The following RUBCN variants were observed in gnomAD, a reference collection of about 807,000 sequenced individuals.
RUBCN encodes the protein rubicon autophagy regulator, also known as run domain Beclin-1-interacting and cysteine-rich domain-containing protein.
A neutral mutation model predicts 113.2 loss-of-function variants in RUBCN; 74 were observed. The observed-to-expected ratio is 0.65, with a 90% CI of 0.54 to 0.79. The LOEUF is 0.79. Among genes scored for constraint, RUBCN ranks in the 30% least tolerant of loss-of-function variants. RUBCN has a pLI of 0.00. For missense variants in RUBCN, 1,109 were observed against 1,251.7 expected (o/e 0.89, Z 1.72); for synonymous variants, 480 against 490.0 (o/e 0.98, Z 0.27).
intron 1 of RUBCN, among the ~76,000 whole-genome samples, chr3:197,733,072 C>T (rs1319867582): frequency 6.6e-6 from 1 of 152,218 alleles, no homozygotes; most frequent in Non-Finnish European, 1.5e-5. Context: ...CCAAATTAAT[C>T]CGTGAACTAG....
chr3:197,730,481 C>T (rs1727289293), intron 1 of RUBCN, among the ~76,000 whole-genome samples: 1 of 152,062 alleles, frequency 6.6e-6, no homozygotes, highest in African/African-American at 2.4e-5. Flanking sequence ...GAAAACAACA[C>T]ATCTGGAAGC....
intron 11 of RUBCN, among the ~76,000 whole-genome samples, chr3:197,690,221 C>T (rs1255420122): frequency 6.6e-6 from 1 of 152,168 alleles, no homozygotes; most frequent in Non-Finnish European, 1.5e-5. Context: ...AGGCAGATGA[C>T]GAGGTCACGA....
intron 5 of RUBCN, 26 bp from the exon 6 acceptor site, chr3:197,701,890 A>G: frequency 6.2e-7 from 1 of 1,612,398 alleles, no homozygotes; most frequent in Non-Finnish European, 8.5e-7. Context: ...AAACCAAAAA[A>G]TGTGTCAGAG....
chr3:197,683,915 G>C lies in RUBCN; in HGVS notation c.1847+242C>G, dbSNP rs1436075014. ...ACCTTCTGGGGCCTCTGGTTATGAT[G>C]AGAGTCAGCAGAGAAGGAATAACTC... is the stretch of plus-strand genomic sequence containing the variant. On this transcript the variant is annotated intron_variant, in intron 12 of 19. Transcript: ENST00000296343. The surrounding 1 kb of genome is among the most constrained non-coding windows in gnomAD (Gnocchi z 4.6). 2.6e-5 allele frequency among the ~76,000 whole-genome samples: 4 copies of C among 152,110 alleles called. No homozygotes were observed. The East Asian group carries it at 7.7e-4, about 29-fold the overall frequency.
intron 8 of RUBCN, 143 bp downstream of exon 8, chr3:197,696,810 TA>T: frequency 1.6e-6 from 1 of 635,980 alleles, no homozygotes; most frequent in Non-Finnish European, 2.9e-6. Flanking sequence ...GCACGGGGGT[TA>T]AAAATGACAA....
intron 18 of RUBCN, chr3:197,676,655 AC>A: frequency 7.1e-7 from 1 of 1,406,530 alleles, no homozygotes. Flanking sequence ...GCCCGGAGCT[AC>A]CCAGGACCAC....
chr3:197,685,285 ACT>A (rs936845144), intron 11 of RUBCN, among the ~76,000 whole-genome samples: 6 of 151,988 alleles, frequency 3.9e-5, no homozygotes, highest in Non-Finnish European at 7.4e-5. Context: ...TCTGATAAAT[ACT>A]CTCTCTCATG....
chr3:197,680,148 C>T (rs1721037127), intron 16 of RUBCN, among the ~76,000 whole-genome samples: 1 of 121,588 alleles, frequency 8.2e-6, no homozygotes, highest in Non-Finnish European at 1.8e-5. Flanking sequence ...TGACAACTGG[C>T]TCCAGACTGT....
upstream of RUBCN, chr3:197,737,049 A>C (rs1013765020): frequency 2.9e-6 from 2 of 681,904 alleles, no homozygotes; most frequent in Non-Finnish European, 3.9e-6. Context: ...CGCGCCCTCC[A>C]ATCCCAGGCC....
rs1277262277 is a variant in RUBCN at position 197,669,737 on chromosome 3, G to A, written c.*5281C>T. ...AACTCCACCTCCTGGGAGAATTTAC[G>A]TATTTTGTTTAGAATTCTTCTGTGA... On this transcript the variant is annotated 3_prime_UTR_variant, in exon 20 of 20. Coordinates refer to ENST00000296343, the MANE Select transcript of RUBCN (RefSeq NM_014687.4). 2.6e-5 allele frequency among the ~76,000 whole-genome samples: 4 copies of A among 152,126 alleles called. No individual in the cohort carries two copies. Among genetic ancestry groups the A allele is most frequent in the Non-Finnish European group, 4.4e-5 (3 of 68,010 alleles).
In RUBCN at chr3:197,700,687, G is replaced by GT; in HGVS notation, c.1186dup (p.Thr396AsnfsTer30). 2 of 1,614,182 alleles carry GT rather than the reference G, an allele frequency of 1.2e-6. No homozygotes were observed. Among genetic ancestry groups the GT allele is most frequent in the Non-Finnish European group, 1.7e-6 (2 of 1,180,028 alleles). On this transcript the variant is annotated frameshift_variant, in exon 7 of 20. Coordinates refer to ENST00000296343, the MANE Select transcript of RUBCN (RefSeq NM_014687.4). LOFTEE classifies it high-confidence loss of function. The stretch of plus-strand genomic sequence containing the variant: ...GCTTTTCTTTGCCCCACTGGTGACA[G>GT]TGAGTGTCTGCCCCTCTGAGAAGCT...
At chr3:197,690,884 GA>G (rs1362738991) in intron 11 of RUBCN, among the ~76,000 whole-genome samples, 1 of 152,240 alleles carries the variant, frequency 6.6e-6, no homozygotes, top group African/African-American at 2.4e-5. Context: ...ACATGAGGAA[GA>G]ATCAGTGAGT....
rs1177199223 is a variant in RUBCN, at chr3:197,726,240, TTTTTTA to T, written c.66-8116_66-8111del. Among the ~76,000 whole-genome samples the T allele has an allele frequency of 2.6e-5, 4 of 152,250 alleles. No individual in the cohort carries two copies. The South Asian group carries it at 6.2e-4, about 24-fold the overall frequency. The stretch of plus-strand genomic sequence containing the variant: ...TTCTTTTGTATTTTATTTTATTTTA[TTTTTTA>T]TTTTTATTTTTATTTTTTGAGACGG... On this transcript the variant is annotated intron_variant, in intron 1 of 19. Transcript: ENST00000296343.
At chr3:197,680,136 T>TCTAA (rs1721035040) in intron 16 of RUBCN, among the ~76,000 whole-genome samples, 1 of 119,028 alleles carries the variant, frequency 8.4e-6, no homozygotes, top group Non-Finnish European at 1.8e-5. Context: ...TGTCCTACGC[T>TCTAA]CTGACAACTG....
rs1719584635 is a variant in RUBCN at position 197,669,328 on chromosome 3, A to G, written c.*5690T>C. The stretch of plus-strand genomic sequence containing the variant: ...CCACCCGGGATCCCACATGGCATTC[A>G]GTCATCGTATCTGCTTAGTCTCCTC... On this transcript the variant is annotated 3_prime_UTR_variant, in exon 20 of 20. Coordinates refer to ENST00000296343, the MANE Select transcript of RUBCN (RefSeq NM_014687.4). 6.6e-6 allele frequency among the ~76,000 whole-genome samples: 1 copy of G among 152,166 alleles called. No homozygotes were observed. The highest frequency in any genetic ancestry group is 2.4e-5 in the African/African-American group (1 of 41,424).
chr3:197,679,856 G>A (rs1347107337), intron 16 of RUBCN, among the ~76,000 whole-genome samples: 6 of 143,296 alleles, frequency 4.2e-5, no homozygotes, highest in African/African-American at 1.3e-4. Context: ...ACTGTCCTAC[G>A]CTCTGACAAC....
At chr3:197,710,063 G>A (rs1431155808) in intron 2 of RUBCN, among the ~76,000 whole-genome samples, 1 of 151,776 alleles carries the variant, frequency 6.6e-6, no homozygotes, top group African/African-American at 2.4e-5. Flanking sequence ...CCAGCTCCTC[G>A]AGAAGCTGAG....
In RUBCN at chr3:197,677,555, G is replaced by T. The variant is rs753486927; in HGVS notation, c.2431-14C>A. 1.2e-6 allele frequency: 2 copies of T among 1,613,480 alleles called. No homozygotes were observed. The highest frequency in any genetic ancestry group is 1.1e-5 in the South Asian group (1 of 91,060). ...GACCCGCAGCAGCTGAAAAGAAAGA[G>T]AGGGGGGCAGGAGTGGGAGGGAGAT... On this transcript the variant is annotated splice_polypyrimidine_tract_variant and intron_variant, in intron 16 of 19. Transcript: ENST00000296343.
intron 1 of RUBCN, 54 bp downstream of exon 1, chr3:197,736,601 C>G: frequency 2.0e-6 from 3 of 1,519,944 alleles, no homozygotes; most frequent in Non-Finnish European, 2.6e-6. Context: ...TCCCAAGCCT[C>G]CCGGGGCTCC....
Sources: allele counts gnomAD v4.1 joint callset (sites outside exome capture counted in the v4.1 genomes callset), GRCh38; gene constraint gnomAD v4.1.1; non-coding constraint Gnocchi (gnomAD v3.1); transcripts MANE v1.5; gene names NCBI Gene and HGNC (gene_info 2026-07-23, HGNC 2026-07-21).